The following NCALD variants were observed in gnomAD, a reference collection of about 807,000 sequenced individuals.
NCALD encodes the protein neurocalcin-delta.
A neutral mutation model predicts 18.6 loss-of-function variants in NCALD; 10 were observed. The observed-to-expected ratio is 0.54, with a 90% confidence interval of 0.33 to 0.91. NCALD has a LOEUF of 0.91. NCALD is among the 40% of genes least tolerant of loss of function. The probability of loss-of-function intolerance (pLI) is 0.03; values close to 1 mark genes in which losing one functional copy is unlikely to be tolerated. For synonymous variants in NCALD, 88 were observed against 87.4 expected (o/e 1.01, Z -0.04); for missense variants, 184 against 247.6 (o/e 0.74, Z 1.72).
At position 101,718,153 on chromosome 8, in the gene NCALD, C is replaced by A. The variant is rs113973320; in HGVS notation, c.378+1099G>T. Reference sequence around the variant, plus strand: ...GAATGGGTGTCCTTACAATTATAGCCTGGAAACACTGTGGGCCTGTGAATG... The same window carrying A: ...GAATGGGTGTCCTTACAATTATAGCATGGAAACACTGTGGGCCTGTGAATG... On this transcript the variant is annotated intron_variant, in intron 2 of 3. Transcript: ENST00000220931. 7.3e-3 allele frequency among the ~76,000 whole-genome samples: 1,117 copies of A among 152,256 alleles called. 4 individuals are homozygous for A. The highest frequency in any genetic ancestry group is 0.012 in the Non-Finnish European group (793 of 68,022).
At chr8:101,768,888 G>C (rs557753242) in intron 1 of NCALD, among the ~76,000 whole-genome samples, 4 of 152,268 alleles carry the variant, frequency 2.6e-5, no homozygotes, top group African/African-American at 7.2e-5. Flanking sequence ...TGCTTTGCAG[G>C]GAAAAAGGGA....
intron 1 of NCALD, among the ~76,000 whole-genome samples, chr8:102,047,350 C>T (rs1823282345): frequency 6.6e-6 from 1 of 152,160 alleles, no homozygotes; most frequent in Admixed American, 6.5e-5. Context: ...TTGAAAGACA[C>T]TCTTGGCTTA....
chr8:102,018,173 G>T (rs927004774), intron 2 of NCALD, among the ~76,000 whole-genome samples: 1 of 152,024 alleles, frequency 6.6e-6, no homozygotes, highest in African/African-American at 2.4e-5. Flanking sequence ...ACAGTTTGGG[G>T]GATTTTTAAA....
At chr8:101,799,013 A>C (rs77586576) in intron 4 of NCALD, among the ~76,000 whole-genome samples, 3,720 of 152,344 alleles carry the variant, frequency 0.024, 71 homozygotes, top group African/African-American at 0.059. Flanking sequence ...TGAAAAGACA[A>C]GCTACAGGCT....
intron 2 of NCALD, among the ~76,000 whole-genome samples, chr8:101,958,903 C>T (rs189527675): frequency 3.9e-5 from 6 of 152,244 alleles, no homozygotes; most frequent in Admixed American, 1.3e-4. Flanking sequence ...GTTGCAGAAA[C>T]AGCACATTTG....
At chr8:101,915,574 A>T (rs1394577321) in intron 3 of NCALD, 1 of 152,248 alleles carries the variant, frequency 6.6e-6, no homozygotes, top group African/African-American at 2.4e-5. Flanking sequence ...TTATGCTGTA[A>T]GTAATATTCA....
intron 2 of NCALD, among the ~76,000 whole-genome samples, chr8:101,949,317 T>G (rs1819298924): frequency 6.6e-6 from 1 of 152,046 alleles, no homozygotes; most frequent in African/African-American, 2.4e-5. Context: ...GAACCCTAGT[T>G]ATCTGGTTGA....
At chr8:101,905,288 T>TCC (rs1324215777) in intron 3 of NCALD, among the ~76,000 whole-genome samples, 1 of 151,790 alleles carries the variant, frequency 6.6e-6, no homozygotes, top group East Asian at 1.9e-4. Flanking sequence ...TCTCTCTCTC[T>TCC]CTCTCTCTCT....
rs113459028 is a variant in NCALD at position 101,992,904 on chromosome 8, C to T, written c.-157+27333G>A. Among the ~76,000 whole-genome samples, 7 of 150,946 alleles carry T rather than the reference C, an allele frequency of 4.6e-5. No homozygotes were observed. In the East Asian group the frequency reaches 5.8e-4, roughly 13 times the overall value. ...CAGGATTTTTTTTTACTTAATCTTT[C>T]GAACAACCCTATAAAGTAGAAACTC... On this transcript the variant is annotated intron_variant, in intron 2 of 6. Transcript: ENST00000311028.
intron 3 of NCALD, among the ~76,000 whole-genome samples, chr8:101,891,785 A>G (rs1816901073): frequency 1.3e-5 from 2 of 152,192 alleles, no homozygotes. Flanking sequence ...ACTCCCACCC[A>G]AATATTGCAC....
chr8:102,054,548 C>T (rs753045226), intron 1 of NCALD, among the ~76,000 whole-genome samples: 20 of 151,782 alleles, frequency 1.3e-4, no homozygotes, highest in Admixed American at 1.1e-3. Context: ...GAATTCAGAC[C>T]GCCTTTAGAC....
rs78628520 is a variant in NCALD at position 101,941,780 on chromosome 8, G to A, written c.-156-25922C>T. On this transcript the variant is annotated intron_variant, in intron 2 of 6. Coordinates refer to the NCALD transcript ENST00000311028. ...CATCAGTCTTAACTACAGCAATTTC[G>A]AAAATAAGATTGTTTGATATCAGCT... 5.7e-3 allele frequency among the ~76,000 whole-genome samples: 860 copies of A among 152,196 alleles called. 5 individuals are homozygous for A. Among genetic ancestry groups the A allele is most frequent in the African/African-American group, 0.02 (823 of 41,526 alleles).
intron 1 of NCALD, among the ~76,000 whole-genome samples, chr8:101,772,826 A>C (rs1811639655): frequency 6.6e-6 from 1 of 152,100 alleles, no homozygotes; most frequent in African/African-American, 2.4e-5. Flanking sequence ...TCTTAAATCT[A>C]ACCTTATATT....
At chr8:102,013,169 G>C (rs1821964514) in intron 2 of NCALD, among the ~76,000 whole-genome samples, 1 of 152,108 alleles carries the variant, frequency 6.6e-6, no homozygotes, top group African/African-American at 2.4e-5. Context: ...CTCCCTCAAG[G>C]GAGTGAATTG....
intron 1 of NCALD, among the ~76,000 whole-genome samples, chr8:102,101,882 T>A (rs1484875627): frequency 6.6e-6 from 1 of 152,142 alleles, no homozygotes; most frequent in Non-Finnish European, 1.5e-5. Flanking sequence ...TAAAACAAAA[T>A]CAATGTTTTA....
chr8:101,990,583 C>A (rs1450999706), intron 2 of NCALD, among the ~76,000 whole-genome samples: 1 of 152,128 alleles, frequency 6.6e-6, no homozygotes, highest in Non-Finnish European at 1.5e-5. Context: ...AGTTTCATGA[C>A]ATCTGATGGT....
chr8:101,911,139 A>C (rs1314179257), intron 3 of NCALD, among the ~76,000 whole-genome samples: 1 of 152,190 alleles, frequency 6.6e-6, no homozygotes, highest in Non-Finnish European at 1.5e-5. Flanking sequence ...TACCAATAGT[A>C]CAGGTGATCC....
chr8:102,117,228 G>A (rs921435396), intron 1 of NCALD, among the ~76,000 whole-genome samples: 1 of 152,164 alleles, frequency 6.6e-6, no homozygotes, highest in Non-Finnish European at 1.5e-5. Flanking sequence ...TAAGCTTACA[G>A]CCCCATCTCT....
chr8:101,928,796 T>C (rs907656669), intron 2 of NCALD, among the ~76,000 whole-genome samples: 4 of 152,186 alleles, frequency 2.6e-5, no homozygotes, highest in African/African-American at 9.7e-5. Flanking sequence ...AGAAACCTGA[T>C]GATTTAGCAT....
Sources: gnomAD v4.1 joint callset for allele counts (sites outside exome capture counted in the v4.1 genomes callset) on GRCh38, gnomAD v4.1.1 for gene constraint, MANE v1.5 for transcripts, NCBI Gene and HGNC (gene_info 2026-07-23, HGNC 2026-07-21) for gene names.